NRXN3: variants seen among roughly 807,000 people sequenced by gnomAD.
The protein encoded by NRXN3 is neurexin 3.
NRXN3 carries 32 observed loss-of-function variants against 137.6 expected under a neutral mutation model. That is an observed-to-expected ratio of 0.23 (90% CI 0.18 to 0.31). The LOEUF is 0.31. Among genes scored for constraint, NRXN3 ranks in the 10% least tolerant of loss-of-function variants. The probability of loss-of-function intolerance (pLI) is 1.00; values close to 1 mark genes in which losing one functional copy is unlikely to be tolerated. For missense variants in NRXN3, 1,574 were observed against 2,062.5 expected, an observed-to-expected ratio of 0.76 and a Z score of 4.59; for synonymous variants, 798 against 784.5, an observed-to-expected ratio of 1.02 and a Z score of -0.29.
intron 19 of NRXN3, chr14:79,760,732 A>G (rs1047046057): frequency 2.0e-5 from 3 of 150,778 alleles, no homozygotes; most frequent in Non-Finnish European, 2.9e-5. Flanking sequence ...CTAACAAGCA[A>G]AAGAGCTTCA....
At chr14:78,704,834 T>C (rs10131453) in intron 6 of NRXN3, among the ~76,000 whole-genome samples, 139,588 of 152,250 alleles carry the variant, frequency 0.92, 64,271 homozygotes, top group Middle Eastern at 0.97. Context: ...GCAAAGTACC[T>C]GGCACATGGT....
chr14:78,645,376 C>T lies in NRXN3; in HGVS notation c.1014C>T (p.Asn338=), dbSNP rs761501427. ...TGGAGCCAGTGAATGGAAAATTCAA[C>T]GACAACGCCTGGCATGATGTCAAAG... The part of the protein sequence containing the change: ...AIVEPVNGKF[N]DNAWHDVKVT... The change falls in exon 5 of 21, where the codon AAC becomes AAT. Residue 338 remains asparagine, a synonymous_variant. Transcript: ENST00000335750. The T allele has an allele frequency of 6.9e-6, 11 of 1,597,372 alleles. No homozygotes were observed. The highest frequency in any genetic ancestry group is 5.3e-5 in the African/African-American group (4 of 74,968).
intron 15 of NRXN3, among the ~76,000 whole-genome samples, chr14:79,108,741 A>G (rs1190238778): frequency 1.3e-5 from 2 of 152,138 alleles, no homozygotes; most frequent in Non-Finnish European, 2.9e-5. Context: ...CAATACATAC[A>G]TACTCAAAAA....
At position 79,149,278 on chromosome 14, in the gene NRXN3, A is replaced by G. The variant is rs536625518; in HGVS notation, c.3262+161137A>G. ...AGTCTGCACTGACCTTTGACCTGGC[A>G]TCACCATTCCATAGCTATTTGTTGG... On this transcript the variant is annotated intron_variant, in intron 15 of 20. Coordinates refer to ENST00000335750, the MANE Select transcript of NRXN3 (RefSeq NM_001330195.2). Among the ~76,000 whole-genome samples, 4 of 152,004 alleles carry G rather than the reference A, an allele frequency of 2.6e-5. 1 individual carries two copies. The South Asian group carries it at 6.2e-4, about 24-fold the overall frequency.
At chr14:78,993,681 T>C (rs1230515267) in intron 15 of NRXN3, among the ~76,000 whole-genome samples, 1 of 152,028 alleles carries the variant, frequency 6.6e-6, no homozygotes, top group Non-Finnish European at 1.5e-5. Flanking sequence ...TCTAGTCTAA[T>C]GGGGAAAGAC....
chr14:78,268,181 G>A (rs1480846879), intron 2 of NRXN3, among the ~76,000 whole-genome samples: 1 of 152,140 alleles, frequency 6.6e-6, no homozygotes, highest in Non-Finnish European at 1.5e-5. Context: ...GGACTCCACA[G>A]TGTATCTTAG....
intron 16 of NRXN3, among the ~76,000 whole-genome samples, chr14:79,628,679 A>G (rs1392802256): frequency 6.6e-6 from 1 of 152,194 alleles, no homozygotes; most frequent in Non-Finnish European, 1.5e-5. Flanking sequence ...ATGGTACCTG[A>G]GATCAGGTAC....
At chr14:78,393,981 T>C (rs561765395) in intron 4 of NRXN3, among the ~76,000 whole-genome samples, 8 of 152,156 alleles carry the variant, frequency 5.3e-5, no homozygotes, top group Non-Finnish European at 1.2e-4. Context: ...ATATTGGTTC[T>C]ATGTGTGTGT....
At chr14:78,277,882 T>G (rs1473080626) in intron 2 of NRXN3, among the ~76,000 whole-genome samples, 2 of 152,174 alleles carry the variant, frequency 1.3e-5, no homozygotes, top group African/African-American at 4.8e-5. Context: ...TAGGGTTGGG[T>G]GTTTATTCGT....
intron 15 of NRXN3, among the ~76,000 whole-genome samples, chr14:79,078,140 T>C (rs532596507): frequency 2.0e-5 from 3 of 152,282 alleles, no homozygotes; most frequent in Admixed American, 2.0e-4. Context: ...ATGCCTAGGA[T>C]TTCTACTGCT....
intron 16 of NRXN3, among the ~76,000 whole-genome samples, chr14:79,530,625 T>C (rs957587325): frequency 9.9e-5 from 15 of 151,242 alleles, no homozygotes; most frequent in African/African-American, 3.6e-4. Context: ...TTTGTCTCTA[T>C]CTTATTTATT....
intron 4 of NRXN3, among the ~76,000 whole-genome samples, chr14:78,399,036 T>C (rs1472692187): frequency 6.6e-6 from 1 of 152,236 alleles, no homozygotes; most frequent in Non-Finnish European, 1.5e-5. Context: ...GAAAGTTTTT[T>C]GTCTTCCTGG....
chr14:79,660,201 C>T (rs2098526886), intron 16 of NRXN3, among the ~76,000 whole-genome samples: 1 of 152,144 alleles, frequency 6.6e-6, no homozygotes, highest in South Asian at 2.1e-4. Context: ...TAGTTTCAAG[C>T]CTGGGCAACT....
intron 4 of NRXN3, among the ~76,000 whole-genome samples, chr14:78,409,252 C>T (rs1209566877): frequency 1.3e-5 from 2 of 152,180 alleles, no homozygotes; most frequent in East Asian, 3.9e-4. Flanking sequence ...AGGTACCATT[C>T]TATGTGCTTT....
intron 8 of NRXN3, among the ~76,000 whole-genome samples, chr14:78,776,590 G>A (rs923708402): frequency 6.6e-6 from 1 of 152,086 alleles, no homozygotes; most frequent in Non-Finnish European, 1.5e-5. Context: ...TGTACATTAG[G>A]TAGTTATTTA....
At chr14:79,110,790 ATTTATTTT>A (rs779822104) in intron 15 of NRXN3, among the ~76,000 whole-genome samples, 1,755 of 149,510 alleles carry the variant, frequency 0.012, 23 homozygotes, top group African/African-American at 0.028. Context: ...TTATTTATTT[ATTTATTTT>A]TTTATTTTTT....
rs139930136 is a variant in NRXN3, at chr14:79,573,503, A to C, written c.3445-90275A>C. ...TTATATGGAACTGTCAATTTGTGGA[A>C]GTTAGAAACCACTCGCAGGCCAGCA... is the stretch of plus-strand genomic sequence containing the variant. On this transcript the variant is annotated intron_variant, in intron 16 of 20. Transcript: ENST00000335750. Among the ~76,000 whole-genome samples the C allele has an allele frequency of 7.3e-3, 1,109 of 152,028 alleles. 8 individuals are homozygous for C. Among genetic ancestry groups the C allele is most frequent in the Middle Eastern group, 0.024 (7 of 294 alleles).
At chr14:78,549,169 T>A (rs1265789083) in intron 4 of NRXN3, among the ~76,000 whole-genome samples, 4 of 152,194 alleles carry the variant, frequency 2.6e-5, no homozygotes, top group African/African-American at 7.2e-5. Flanking sequence ...AGAAGCCAGG[T>A]CCAACCTAAA....
chr14:79,778,423 AAAAAC>A (rs1181604445), intron 19 of NRXN3, among the ~76,000 whole-genome samples: 30 of 152,326 alleles, frequency 2.0e-4, no homozygotes, highest in Non-Finnish European at 2.9e-4. Flanking sequence ...CTCAAAACAA[AAAAAC>A]AAAACAAAAC....
Sources: gnomAD v4.1 joint callset for allele counts (sites outside exome capture counted in the v4.1 genomes callset) on GRCh38, gnomAD v4.1.1 for gene constraint, MANE v1.5 for transcripts, NCBI Gene and HGNC (gene_info 2026-07-23, HGNC 2026-07-21) for gene names.